The following YBX1 variants were observed in gnomAD, a reference collection of about 807,000 sequenced individuals.
YBX1 encodes the protein Y-box-binding protein 1.
Under a neutral mutation model 41.4 loss-of-function variants are expected in YBX1, and 3 were observed. The observed-to-expected ratio is 0.07, with a 90% CI of 0.03 to 0.19. YBX1 has a LOEUF of 0.19. Among genes scored for constraint, YBX1 ranks in the 10% least tolerant of loss-of-function variants. The pLI, the probability that YBX1 is intolerant of heterozygous loss-of-function variation, is 1.00. For synonymous variants in YBX1, 133 were observed against 165.8 expected (o/e 0.80, Z 1.52); for missense variants, 274 against 462.8 (o/e 0.59, Z 3.74).
At chr1:42,687,601 T>C (rs1650227297) in intron 2 of YBX1, among the ~76,000 whole-genome samples, 1 of 152,092 alleles carries the variant, frequency 6.6e-6, no homozygotes, top group Non-Finnish European at 1.5e-5. Context: ...TGATTTTTTT[T>C]TCTTTTTTAA....
chr1:42,686,345 CATTT>C (rs140421678), intron 2 of YBX1, among the ~76,000 whole-genome samples: 6,401 of 152,252 alleles, frequency 0.042, 180 homozygotes, highest in African/African-American at 0.067. Flanking sequence ...TAATTACTAA[CATTT>C]ATAATTCAGG....
chr1:42,683,360 T>C (rs1650108003), intron 1 of YBX1, 43 bp from the exon 2 acceptor site: 2 of 1,613,104 alleles, frequency 1.2e-6, no homozygotes, highest in Admixed American at 3.3e-5. Context: ...TGGAAAAGGA[T>C]AGCTGGTAAT....
chr1:42,694,216 A>G (rs1650406282), intron 3 of YBX1, among the ~76,000 whole-genome samples: 1 of 152,190 alleles, frequency 6.6e-6, no homozygotes, highest in African/African-American at 2.4e-5. Flanking sequence ...ACTGATGAGT[A>G]CTGCATAGTG....
intron 2 of YBX1, among the ~76,000 whole-genome samples, chr1:42,691,071 A>G (rs1650317343): frequency 6.6e-6 from 1 of 152,188 alleles, no homozygotes; most frequent in East Asian, 1.9e-4. Flanking sequence ...GCCAGTTTAA[A>G]CTAGAGATTC....
intron 2 of YBX1, among the ~76,000 whole-genome samples, chr1:42,687,484 G>C (rs1005035545): frequency 6.6e-6 from 1 of 152,146 alleles, no homozygotes; most frequent in African/African-American, 2.4e-5. Flanking sequence ...GTTTCTCCAT[G>C]TTGGCCAGGC....
Position 42,703,072 on chromosome 1 carries a change from CG to C in YBX1, c.*1124del, listed in dbSNP as rs1650645061. 6.6e-6 allele frequency among the ~76,000 whole-genome samples: 1 copy of C among 152,034 alleles called. No individual in the cohort carries two copies. The highest frequency in any genetic ancestry group is 1.5e-5 in the Non-Finnish European group (1 of 68,000). ...ACCTTAGTAGCTGGGAGTACAGGTG[CG>C]TGCCACCACACCCAGCTAATTTTTG... On this transcript the variant is annotated 3_prime_UTR_variant, in exon 8 of 8. Coordinates refer to ENST00000321358, the MANE Select transcript of YBX1 (RefSeq NM_004559.5).
At position 42,702,386 on chromosome 1, in the gene YBX1, T is replaced by G. The variant is rs889258049; in HGVS notation, c.*437T>G. 2 of 152,650 alleles carry G rather than the reference T, an allele frequency of 1.3e-5. No homozygotes were observed. The highest frequency in any genetic ancestry group is 2.9e-5 in the Non-Finnish European group (2 of 68,038). The allele number at this position is 152,650 out of a possible 1,614,324, so 9.5% of individuals were successfully genotyped here. ...AAATTTGTCTAGTTTTGCTTTAGTTTGTAAGTATTTAGCTATTTATAGGAC... is the reference window on the plus strand; with the variant it reads ...AAATTTGTCTAGTTTTGCTTTAGTTGGTAAGTATTTAGCTATTTATAGGAC... On this transcript the variant is annotated 3_prime_UTR_variant, in exon 8 of 8. Coordinates refer to ENST00000321358, the MANE Select transcript of YBX1 (RefSeq NM_004559.5).
At chr1:42,693,268 T>TA (rs1370695472) in intron 2 of YBX1, among the ~76,000 whole-genome samples, 1 of 138,192 alleles carries the variant, frequency 7.2e-6, no homozygotes, top group Non-Finnish European at 1.6e-5. Context: ...TTTAATTTCT[T>TA]AGACTTTTTT....
At chr1:42,693,560 A>C (rs750048855) in intron 3 of YBX1, 37 bp downstream of exon 3, 1 of 1,608,588 alleles carries the variant, frequency 6.2e-7, no homozygotes, top group Non-Finnish European at 8.5e-7. Context: ...TTCTGATTCA[A>C]GGATTGTAAG....
rs1650476290 is a variant in YBX1, at chr1:42,696,948, A to G, written c.657+4A>G. 1 of 1,550,802 alleles carries G rather than the reference A, an allele frequency of 6.4e-7. No individual in the cohort carries two copies. The highest frequency in any genetic ancestry group is 2.3e-5 in the East Asian group (1 of 44,302). The stretch of plus-strand genomic sequence containing the variant: ...TGTGCAGGGAGAAGTGATGGAGGTA[A>G]GTTTCACCATCAACAACAGCAATGT... On this transcript the variant is annotated splice_donor_region_variant and intron_variant, in intron 5 of 7. Coordinates refer to ENST00000321358, the MANE Select transcript of YBX1 (RefSeq NM_004559.5). The surrounding 1 kb of genome is among the most constrained non-coding windows in gnomAD (Gnocchi z 5.7).
intron 2 of YBX1, among the ~76,000 whole-genome samples, chr1:42,685,162 G>T (rs1650163385): frequency 6.6e-6 from 1 of 152,114 alleles, no homozygotes; most frequent in Admixed American, 6.5e-5. Context: ...TTTTAAGTAG[G>T]CATAGGTTAT....
chr1:42,683,299 T>C (rs1249838577), intron 1 of YBX1, 104 bp from the exon 2 acceptor site: 3 of 1,373,354 alleles, frequency 2.2e-6, no homozygotes, highest in Non-Finnish European at 3.1e-6. Context: ...GGCTGTCAGG[T>C]GGCCGCGGCG....
intron 2 of YBX1, among the ~76,000 whole-genome samples, chr1:42,690,254 T>G (rs1650297464): frequency 6.6e-6 from 1 of 151,622 alleles, no homozygotes; most frequent in Non-Finnish European, 1.5e-5. Context: ...TTTCTTTTTT[T>G]TTTTTTAAGA....
chr1:42,688,159 C>G (rs1650244126), intron 2 of YBX1, among the ~76,000 whole-genome samples: 1 of 152,140 alleles, frequency 6.6e-6, no homozygotes, highest in African/African-American at 2.4e-5. Flanking sequence ...CTCTTGAAAT[C>G]TAGGATAGAG....
intron 2 of YBX1, among the ~76,000 whole-genome samples, chr1:42,691,180 G>A (rs1200099186): frequency 6.6e-6 from 1 of 152,296 alleles, no homozygotes; most frequent in South Asian, 2.1e-4. Context: ...AATTGAGGAC[G>A]TTTTCAGTAA....
At chr1:42,683,368 A>G in intron 1 of YBX1, 35 bp from the exon 2 acceptor site, 1 of 1,613,800 alleles carries the variant, frequency 6.2e-7, no homozygotes, top group Non-Finnish European at 8.5e-7. Flanking sequence ...GATAGCTGGT[A>G]ATCGTGGCTT....
chr1:42,683,285 A>G, intron 1 of YBX1, 118 bp from the exon 2 acceptor site: 2 of 1,208,844 alleles, frequency 1.7e-6, no homozygotes, highest in Non-Finnish European at 2.5e-6. Context: ...CGGTGGAGAG[A>G]AAGGGCTGTC....
At chr1:42,683,884 G>T (rs776759470) in intron 2 of YBX1, among the ~76,000 whole-genome samples, 1 of 152,040 alleles carries the variant, frequency 6.6e-6, no homozygotes, top group Non-Finnish European at 1.5e-5. Flanking sequence ...AACGTTTTAG[G>T]GTAAGAGGAT....
At position 42,697,166 on chromosome 1, in the gene YBX1, A is replaced by T; in HGVS notation, c.658-14A>T. The T allele has an allele frequency of 6.2e-7, 1 of 1,610,506 alleles. No homozygotes were observed. Among genetic ancestry groups the T allele is most frequent in the Non-Finnish European group, 8.5e-7 (1 of 1,179,016 alleles). On this transcript the variant is annotated splice_polypyrimidine_tract_variant and intron_variant, in intron 5 of 7. Transcript: ENST00000321358. The stretch of plus-strand genomic sequence containing the variant: ...TACTGACCCAGTAGGCTTAATTTCC[A>T]TTGTCTTTTTCAGGGTGCTGACAAC...
Sources: gnomAD v4.1 joint callset for allele counts (sites outside exome capture counted in the v4.1 genomes callset) on GRCh38, gnomAD v4.1.1 for gene constraint, Gnocchi (gnomAD v3.1) non-coding constraint, MANE v1.5 for transcripts, NCBI Gene and HGNC (gene_info 2026-07-23, HGNC 2026-07-21) for gene names.